The following SMIM31 variants were observed in gnomAD, a reference collection of about 807,000 sequenced individuals.
The protein encoded by SMIM31 is small integral membrane protein 31, also known as human epithelial cell program regulator.
At chr4:164,764,000 T>C (rs1483432527) in intron 1 of SMIM31, among the ~76,000 whole-genome samples, 1 of 152,188 alleles carries the variant, frequency 6.6e-6, no homozygotes, top group African/African-American at 2.4e-5. Flanking sequence ...TCCAAAATTC[T>C]TCAACATATT....
intron 2 of SMIM31, among the ~76,000 whole-genome samples, chr4:164,772,211 C>T (rs956742673): frequency 2.0e-5 from 3 of 152,046 alleles, no homozygotes; most frequent in African/African-American, 7.2e-5. Flanking sequence ...TCTCACACGG[C>T]CAAAGCAGCA....
At chr4:164,788,583 T>C (rs1733060510) in intron 2 of SMIM31, among the ~76,000 whole-genome samples, 1 of 137,022 alleles carries the variant, frequency 7.3e-6, no homozygotes, top group Non-Finnish European at 1.5e-5. Context: ...TCCGCCTCCC[T>C]GGTTCAAGCA....
Position 164,759,610 on chromosome 4 carries a change from A to G in SMIM31, c.-26+5199A>G, listed in dbSNP as rs533272032. On this transcript the variant is annotated intron_variant, in intron 1 of 2. Coordinates refer to ENST00000507311, the MANE Select transcript of SMIM31 (RefSeq NM_001352885.1). ...TAGTGACCTAAAGATATCCCTATCA[A>G]TGAGGTATCATTCCACCAGGCAAAT... Among the ~76,000 whole-genome samples, 10 of 152,324 alleles carry G rather than the reference A, an allele frequency of 6.6e-5. No homozygotes were observed. The South Asian group carries it at 1.7e-3, about 25-fold the overall frequency.
Position 164,782,617 on chromosome 4 carries a change from G to A in SMIM31, c.112+12062G>A, listed in dbSNP as rs185558905. On this transcript the variant is annotated intron_variant, in intron 2 of 2. Transcript: ENST00000507311. ...GATGGTCTCGTGAGCCACTGCGCCC[G>A]GCCCCAACACTACTTTGTCTCTTAA... Among the ~76,000 whole-genome samples, 106 of 149,456 alleles carry A rather than the reference G, an allele frequency of 7.1e-4. 1 individual carries two copies. Among genetic ancestry groups the A allele is most frequent in the South Asian group, 1.5e-3 (7 of 4,770 alleles).
chr4:164,756,398 G>A (rs1001609231), intron 1 of SMIM31, among the ~76,000 whole-genome samples: 5 of 151,948 alleles, frequency 3.3e-5, no homozygotes, highest in African/African-American at 1.2e-4. Context: ...GTGAAACACT[G>A]TCTCTACTAA....
chr4:164,798,093 A>G (rs577825657), intron 2 of SMIM31, among the ~76,000 whole-genome samples: 6 of 152,174 alleles, frequency 3.9e-5, no homozygotes, highest in Non-Finnish European at 7.3e-5. Flanking sequence ...TAAGTAATCC[A>G]TGGTGTATAC....
chr4:164,777,136 G>A (rs1023107297), intron 2 of SMIM31, among the ~76,000 whole-genome samples: 2 of 152,196 alleles, frequency 1.3e-5, no homozygotes, highest in Admixed American at 6.5e-5. Context: ...GGCTTTTCAT[G>A]ATGGTCTTCA....
chr4:164,797,552 C>T (rs527678105), intron 2 of SMIM31, among the ~76,000 whole-genome samples: 36 of 148,858 alleles, frequency 2.4e-4, no homozygotes, highest in African/African-American at 8.4e-4. Flanking sequence ...AAACATCGGT[C>T]TCCCAGGTTC....
At chr4:164,795,654 A>T (rs2110963431) in intron 2 of SMIM31, among the ~76,000 whole-genome samples, 1 of 151,892 alleles carries the variant, frequency 6.6e-6, no homozygotes, top group East Asian at 1.9e-4. Flanking sequence ...ATATAACCCT[A>T]CTTCACAGAG....
intron 2 of SMIM31, among the ~76,000 whole-genome samples, chr4:164,780,522 A>T (rs1379050105): frequency 6.6e-6 from 1 of 152,264 alleles, no homozygotes; most frequent in Non-Finnish European, 1.5e-5. Context: ...AGGCCTTTGT[A>T]GATCAATGAA....
rs1211241373 is a variant in SMIM31, at chr4:164,772,612, T to A, written c.112+2057T>A. On this transcript the variant is annotated intron_variant, in intron 2 of 2. Transcript: ENST00000507311. ...TTTTTTTTTTGAGACGGAGTCTCGC[T>A]CTGTCGCCCAGGCTGGAGTGCAGTG... is the stretch of plus-strand genomic sequence containing the variant. 2.7e-5 allele frequency among the ~76,000 whole-genome samples: 4 copies of A among 147,818 alleles called. No homozygotes were observed. The Admixed American group carries it at 2.7e-4, about 10-fold the overall frequency.
chr4:164,785,636 TTG>T (rs112075456), intron 2 of SMIM31, among the ~76,000 whole-genome samples: 74,897 of 150,544 alleles, frequency 0.5, 18,725 homozygotes, highest in African/African-American at 0.54. Flanking sequence ...TTTAAACTTA[TTG>T]TGTGTGTGTG....
chr4:164,772,659 A>T (rs1010906456), intron 2 of SMIM31, among the ~76,000 whole-genome samples: 6 of 150,514 alleles, frequency 4.0e-5, no homozygotes, highest in Admixed American at 4.0e-4. Flanking sequence ...ACTCACTGCA[A>T]GCTCCGCCTC....
Position 164,760,612 on chromosome 4 carries a change from C to T in SMIM31, c.-26+6201C>T, listed in dbSNP as rs146013413. 1.0e-4 allele frequency among the ~76,000 whole-genome samples: 15 copies of T among 150,690 alleles called. 1 individual carries two copies. In the East Asian group the frequency reaches 1.2e-3, roughly 12 times the overall value. ...AACATGAGCCAGGTGTGGTGGTGGGCGCCTGTAATCCTAGCTATTCAGGAG... is the reference window on the plus strand; with the variant it reads ...AACATGAGCCAGGTGTGGTGGTGGGTGCCTGTAATCCTAGCTATTCAGGAG... On this transcript the variant is annotated intron_variant, in intron 1 of 2. Coordinates refer to ENST00000507311, the MANE Select transcript of SMIM31 (RefSeq NM_001352885.1).
At chr4:164,788,462 C>A (rs867508712) in intron 2 of SMIM31, among the ~76,000 whole-genome samples, 2 of 116,750 alleles carry the variant, frequency 1.7e-5, no homozygotes, top group Non-Finnish European at 1.7e-5. Flanking sequence ...TATAAAATTT[C>A]TTTCTTCTAA....
intron 2 of SMIM31, among the ~76,000 whole-genome samples, chr4:164,799,403 T>C (rs1239933578): frequency 1.3e-5 from 2 of 151,316 alleles, no homozygotes; most frequent in Non-Finnish European, 2.9e-5. Flanking sequence ...AATAAATAAA[T>C]AAATAAAATA....
intron 1 of SMIM31, among the ~76,000 whole-genome samples, chr4:164,761,599 T>C (rs1732650890): frequency 1.3e-5 from 2 of 152,086 alleles, no homozygotes; most frequent in Admixed American, 6.6e-5. Context: ...ACAGGTAATC[T>C]CCACCCTGTT....
In SMIM31 at chr4:164,788,833, CAT is replaced by C. The variant is rs542611226; in HGVS notation, c.113-12257_113-12256del. ...GCACTTTTTGAGCTAGATTGAAAAA[CAT>C]GTGCTATATTTTATATCTCCTTTAG... On this transcript the variant is annotated intron_variant, in intron 2 of 2. Coordinates refer to ENST00000507311, the MANE Select transcript of SMIM31 (RefSeq NM_001352885.1). 2.5e-3 allele frequency among the ~76,000 whole-genome samples: 387 copies of C among 152,224 alleles called. 3 individuals are homozygous for C. Among genetic ancestry groups the C allele is most frequent in the African/African-American group, 7.8e-3 (326 of 41,544 alleles).
chr4:164,763,413 T>C (rs1384182217), intron 1 of SMIM31, among the ~76,000 whole-genome samples: 1 of 152,216 alleles, frequency 6.6e-6, no homozygotes, highest in East Asian at 1.9e-4. Context: ...AGGATGAGAA[T>C]GTCTTTTAAA....
Sources: gnomAD v4.1 joint callset for allele counts (sites outside exome capture counted in the v4.1 genomes callset) on GRCh38, gnomAD v4.1.1 for gene constraint, MANE v1.5 for transcripts, NCBI Gene and HGNC (gene_info 2026-07-23, HGNC 2026-07-21) for gene names.